LGR5: variants seen among roughly 807,000 people sequenced by gnomAD.
The protein encoded by LGR5 is leucine rich repeat containing G protein-coupled receptor 5.
Under a neutral mutation model 76.7 loss-of-function variants are expected in LGR5, and 54 were observed. That is an observed-to-expected ratio of 0.70 (90% CI 0.57 to 0.88). LGR5 has a LOEUF of 0.88. Among genes scored for constraint, LGR5 ranks in the 40% least tolerant of loss-of-function variants. The probability of loss-of-function intolerance (pLI) is 0.00; values close to 1 mark genes in which losing one functional copy is unlikely to be tolerated. For synonymous variants in LGR5, 406 were observed against 421.9 expected (o/e 0.96, Z 0.46); for missense variants, 1,078 against 1,073.3 (o/e 1.00, Z -0.06).
chr12:71,445,694 T>C (rs1871958924), intron 1 of LGR5, among the ~76,000 whole-genome samples: 1 of 151,900 alleles, frequency 6.6e-6, no homozygotes, highest in Admixed American at 6.5e-5. Flanking sequence ...ATGCCTGGCT[T>C]GAAACTGGAA....
At chr12:71,535,595 A>G (rs1876544550) in intron 4 of LGR5, among the ~76,000 whole-genome samples, 1 of 152,102 alleles carries the variant, frequency 6.6e-6, no homozygotes, top group African/African-American at 2.4e-5. Flanking sequence ...TTGCCTTGTA[A>G]TCAAGTTTTT....
At chr12:71,469,733 C>T (rs957712833) in intron 1 of LGR5, among the ~76,000 whole-genome samples, 5 of 152,300 alleles carry the variant, frequency 3.3e-5, no homozygotes, top group African/African-American at 9.6e-5. Flanking sequence ...AAGAAATGCC[C>T]CCACTTAACT....
At position 71,584,192 on chromosome 12, in the gene LGR5, G is replaced by A. The variant is rs749746712; in HGVS notation, c.2182G>A (p.Ala728Thr). The change falls in exon 18 of 18, where the codon GCT becomes ACT. Residue 728 changes from alanine (A) to threonine (T), a missense_variant. By Grantham distance (58) the Ala-to-Thr change is moderately conservative. Transcript: ENST00000266674. ...GCCCAGCACCATGGGCTACATGGTC[G>A]CTCTCATCTTGCTCAATTCCCTTTG... The part of the protein sequence containing the change: ...GEPSTMGYMV[A>T]LILLNSLCFL... 3.7e-5 allele frequency: 59 copies of A among 1,613,962 alleles called. No individual in the cohort carries two copies. Among genetic ancestry groups the A allele is most frequent in the Middle Eastern group, 1.6e-4 (1 of 6,084 alleles).
intron 1 of LGR5, among the ~76,000 whole-genome samples, chr12:71,465,434 CTAGT>C (rs1336911494): frequency 2.0e-5 from 3 of 152,128 alleles, no homozygotes; most frequent in African/African-American, 7.2e-5. Context: ...CTTTAACTTT[CTAGT>C]TAGTTCCTTT....
intron 1 of LGR5, among the ~76,000 whole-genome samples, chr12:71,471,167 T>C (rs1873086628): frequency 6.6e-6 from 1 of 152,138 alleles, no homozygotes. Flanking sequence ...TTAATAATAA[T>C]ATAGTAAATG....
intron 1 of LGR5, 37 bp from the exon 2 acceptor site, chr12:71,504,577 T>A: frequency 1.3e-6 from 2 of 1,544,140 alleles, no homozygotes; most frequent in Non-Finnish European, 1.8e-6. Context: ...GTGGTGGCAT[T>A]TGCTGCTCCT....
upstream of LGR5, among the ~76,000 whole-genome samples, chr12:71,439,583 G>A (rs927116809): frequency 6.6e-6 from 1 of 151,890 alleles, no homozygotes; most frequent in Non-Finnish European, 1.5e-5. Flanking sequence ...TCTTCCAGGC[G>A]GAGGCTCAGT....
chr12:71,579,558 T>C (rs1482394716), intron 15 of LGR5, among the ~76,000 whole-genome samples: 1 of 152,210 alleles, frequency 6.6e-6, no homozygotes, highest in African/African-American at 2.4e-5. Context: ...ACATGAAATG[T>C]TTTGATACAG....
chr12:71,563,606 G>T (rs1305752952), intron 8 of LGR5, among the ~76,000 whole-genome samples: 11 of 152,134 alleles, frequency 7.2e-5, no homozygotes, highest in African/African-American at 2.7e-4. Flanking sequence ...TCATAAACCA[G>T]ACTGACTAAG....
intron 1 of LGR5, among the ~76,000 whole-genome samples, chr12:71,463,357 G>A (rs1872746758): frequency 6.6e-6 from 1 of 152,164 alleles, no homozygotes. Context: ...TATTCTCTTA[G>A]CTTCAGTCGA....
intron 17 of LGR5, among the ~76,000 whole-genome samples, chr12:71,583,275 G>A (rs1201675811): frequency 1.3e-5 from 2 of 152,092 alleles, no homozygotes; most frequent in Non-Finnish European, 2.9e-5. Context: ...GATTCTCCTT[G>A]TCTGCCTATG....
intron 1 of LGR5, among the ~76,000 whole-genome samples, chr12:71,462,233 G>C (rs1305817920): frequency 6.6e-6 from 1 of 152,140 alleles, no homozygotes; most frequent in Non-Finnish European, 1.5e-5. Context: ...GTCATACCCA[G>C]CTGTGCTCCA....
chr12:71,475,644 C>T (rs1320123103), intron 1 of LGR5, among the ~76,000 whole-genome samples: 2 of 152,172 alleles, frequency 1.3e-5, no homozygotes, highest in Non-Finnish European at 2.9e-5. Flanking sequence ...TTCTCTCACT[C>T]ATCCCCCCCT....
intron 1 of LGR5, among the ~76,000 whole-genome samples, chr12:71,465,645 C>T (rs1872835014): frequency 1.3e-5 from 2 of 152,294 alleles, no homozygotes; most frequent in South Asian, 2.1e-4. Flanking sequence ...TTCCTTTCTT[C>T]CTGCATTTAT....
At chr12:71,580,157 C>A in intron 15 of LGR5, 121 bp from the exon 16 acceptor site, 1 of 867,536 alleles carries the variant, frequency 1.2e-6, no homozygotes, top group South Asian at 1.9e-5. Context: ...ATAACTTATA[C>A]TTTGGATTAT....
intron 11 of LGR5, among the ~76,000 whole-genome samples, chr12:71,569,075 TAATAAATGGTGCTGAGAGAACTGGC>T (rs1378880875): frequency 6.6e-6 from 1 of 152,190 alleles, no homozygotes. Context: ...ATTCCCTGTT[TAATAAATGGTGCTGAGAGAACTGGC>T]TAGCCATATG....
intron 1 of LGR5, chr12:71,441,973 G>A (rs1235699083): frequency 6.6e-6 from 1 of 152,210 alleles, no homozygotes; most frequent in African/African-American, 2.4e-5. Context: ...CTCCAATGCA[G>A]TGAATTTCTG....
At chr12:71,460,617 A>T (rs1265089093) in intron 1 of LGR5, among the ~76,000 whole-genome samples, 1 of 152,160 alleles carries the variant, frequency 6.6e-6, no homozygotes, top group African/African-American at 2.4e-5. Context: ...ACAGTAAGGG[A>T]TGCTTAACTT....
intron 4 of LGR5, among the ~76,000 whole-genome samples, chr12:71,545,877 T>A (rs1414196780): frequency 1.3e-5 from 2 of 152,022 alleles, no homozygotes; most frequent in Non-Finnish European, 2.9e-5. Flanking sequence ...AAGTGGAAAG[T>A]TTTTTCAGGG....
Sources: allele counts gnomAD v4.1 joint callset (sites outside exome capture counted in the v4.1 genomes callset), GRCh38; gene constraint gnomAD v4.1.1; transcripts MANE v1.5; gene names NCBI Gene and HGNC (gene_info 2026-07-23, HGNC 2026-07-21).